UST: variants seen among roughly 807,000 people sequenced by gnomAD.
UST encodes the protein chondroitin sulfate 2-O-sulfotransferase.
In UST, 21 loss-of-function variants were observed where a neutral mutation model predicts 45.6. The observed-to-expected ratio is 0.46, with a 90% confidence interval of 0.33 to 0.66. UST has a LOEUF of 0.66. Among genes scored for constraint, UST ranks in the 30% least tolerant of loss-of-function variants. The pLI is 0.02. For missense variants in UST, 463 were observed against 512.4 expected (o/e 0.90, Z 0.93); for synonymous variants, 215 against 200.6 (o/e 1.07, Z -0.61).
chr6:148,847,021 T>C (rs760060769), intron 1 of UST, among the ~76,000 whole-genome samples: 1 of 152,276 alleles, frequency 6.6e-6, no homozygotes, highest in Admixed American at 6.5e-5. Flanking sequence ...TTCAGCAATA[T>C]GTCCATCTGA....
intron 1 of UST, among the ~76,000 whole-genome samples, chr6:148,830,510 A>G (rs767805690): frequency 1.1e-4 from 16 of 152,288 alleles, no homozygotes; most frequent in Non-Finnish European, 2.1e-4. Context: ...GGGTGCCACA[A>G]TGCACTGAAA....
intron 1 of UST, among the ~76,000 whole-genome samples, chr6:148,841,163 T>C (rs1777880904): frequency 6.6e-6 from 1 of 151,986 alleles, no homozygotes; most frequent in African/African-American, 2.4e-5. Context: ...GTATTTCTTA[T>C]AGCTTGTGAA....
At chr6:148,772,161 T>C (rs953004136) in intron 1 of UST, among the ~76,000 whole-genome samples, 1 of 152,182 alleles carries the variant, frequency 6.6e-6, no homozygotes, top group Non-Finnish European at 1.5e-5. Flanking sequence ...GTTTTATGTG[T>C]TTAGAAAGGA....
rs1354721409 is a variant in UST, at chr6:149,043,001, TTCTTTCTTTCTTTC to T, written c.937+21522_937+21535del. The stretch of plus-strand genomic sequence containing the variant: ...TTTCTTTCTTTCTTTCTTTCTTTCT[TTCTTTCTTTCTTTC>T]TTTCTTTTTCTTTCTTTCTTTCTTT... On this transcript the variant is annotated intron_variant, in intron 7 of 7. Coordinates refer to ENST00000367463, the MANE Select transcript of UST (RefSeq NM_005715.3). Among the ~76,000 whole-genome samples the T allele has an allele frequency of 1.6e-3, 185 of 118,164 alleles. No individual in the cohort carries two copies. In the Middle Eastern group the frequency reaches 0.025, roughly 16 times the overall value. 77.5% of individuals were successfully genotyped at this position (118,164 alleles called of 152,430 possible).
chr6:149,074,123 T>C lies in UST; in HGVS notation c.*7T>C. Reference sequence around the variant, plus strand: ...AGATATTTATAAGAGGTGATGTGACTGTGTTGCCTCTATGGCTTTATCTCC... The same window carrying C: ...AGATATTTATAAGAGGTGATGTGACCGTGTTGCCTCTATGGCTTTATCTCC... On this transcript the variant is annotated 3_prime_UTR_variant, in exon 8 of 8. Coordinates refer to ENST00000367463, the MANE Select transcript of UST (RefSeq NM_005715.3). 3.1e-6 allele frequency: 5 copies of C among 1,612,446 alleles called. No individual in the cohort carries two copies. Among genetic ancestry groups the C allele is most frequent in the Non-Finnish European group, 3.4e-6 (4 of 1,178,608 alleles).
chr6:148,990,372 T>G (rs1781324991), intron 5 of UST: 1 of 984,828 alleles, frequency 1.0e-6, no homozygotes, highest in Non-Finnish European at 1.2e-6. Flanking sequence ...TAAATCCAAA[T>G]AGTTAAGCAG....
At position 149,019,091 on chromosome 6, in the gene UST, G is replaced by A. The variant is rs766704456; in HGVS notation, c.682-48G>A. 5.8e-6 allele frequency: 8 copies of A among 1,370,340 alleles called. No individual in the cohort carries two copies. The South Asian group carries it at 7.0e-5, about 12-fold the overall frequency. The allele number at this position is 1,370,340 out of a possible 1,614,324, so 84.9% of individuals were successfully genotyped here. On this transcript the variant is annotated intron_variant, in intron 5 of 7. Coordinates refer to ENST00000367463, the MANE Select transcript of UST (RefSeq NM_005715.3). ...CTTAAACTGTGTGGCATTTGATAGA[G>A]CCTTGCAGAGACTACAAGACATCTG...
chr6:149,010,982 T>C (rs976334482), intron 5 of UST, among the ~76,000 whole-genome samples: 4 of 148,716 alleles, frequency 2.7e-5, no homozygotes, highest in Non-Finnish European at 4.5e-5. Context: ...ACTCTTGGAA[T>C]CCAAATGAAT....
intron 3 of UST, among the ~76,000 whole-genome samples, chr6:148,945,106 C>T (rs965583230): frequency 2.6e-5 from 4 of 152,170 alleles, no homozygotes; most frequent in Non-Finnish European, 4.4e-5. Flanking sequence ...CATAATTTTA[C>T]TATTTCTATT....
chr6:148,983,175 G>A (rs767995361), intron 5 of UST, among the ~76,000 whole-genome samples: 80 of 152,182 alleles, frequency 5.3e-4, no homozygotes, highest in Non-Finnish European at 9.3e-4. Flanking sequence ...TAAGTCAACC[G>A]TCTTCCAAGA....
At chr6:148,847,960 A>G (rs1778021473) in intron 1 of UST, among the ~76,000 whole-genome samples, 1 of 152,168 alleles carries the variant, frequency 6.6e-6, no homozygotes, top group South Asian at 2.1e-4. Flanking sequence ...GAAATTTGTC[A>G]TGGGTTAAAG....
chr6:148,775,234 A>T lies in UST; in HGVS notation c.247+27557A>T, dbSNP rs1285681807. Reference sequence around the variant, plus strand: ...TCTCTGCCAAGTTTTGCAGGGCTTGAATATTATGTGAATTTGACAGCTTCC... The same window carrying T: ...TCTCTGCCAAGTTTTGCAGGGCTTGTATATTATGTGAATTTGACAGCTTCC... On this transcript the variant is annotated intron_variant, in intron 1 of 7. Coordinates refer to ENST00000367463, the MANE Select transcript of UST (RefSeq NM_005715.3). Among the ~76,000 whole-genome samples, 6 of 152,022 alleles carry T rather than the reference A, an allele frequency of 3.9e-5. 1 individual carries two copies. Among genetic ancestry groups the T allele is most frequent in the Admixed American group, 3.3e-4 (5 of 15,268 alleles).
chr6:148,815,057 G>A (rs952843950), intron 1 of UST, among the ~76,000 whole-genome samples: 5 of 152,136 alleles, frequency 3.3e-5, no homozygotes, highest in South Asian at 2.1e-4. Context: ...TAAAAAAACC[G>A]TGGTATATCC....
At chr6:148,963,330 G>A (rs1780708123) in intron 4 of UST, among the ~76,000 whole-genome samples, 1 of 152,196 alleles carries the variant, frequency 6.6e-6, no homozygotes, top group Non-Finnish European at 1.5e-5. Flanking sequence ...AGAGAACCCT[G>A]CAGGCCCCTC....
At chr6:148,792,714 G>C (rs1019375212) in intron 1 of UST, among the ~76,000 whole-genome samples, 1 of 152,106 alleles carries the variant, frequency 6.6e-6, no homozygotes, top group African/African-American at 2.4e-5. Context: ...CTATATGTGG[G>C]GAGAGACAAA....
chr6:148,967,364 G>C (rs1359306459), intron 5 of UST, among the ~76,000 whole-genome samples: 1 of 151,994 alleles, frequency 6.6e-6, no homozygotes, highest in Admixed American at 6.6e-5. Flanking sequence ...GTGGTGGGGG[G>C]GAGGGGTGTC....
intron 1 of UST, among the ~76,000 whole-genome samples, chr6:148,788,428 G>A (rs762736169): frequency 2.6e-4 from 40 of 152,050 alleles, no homozygotes; most frequent in Admixed American, 2.5e-3. Context: ...ATTTAGATAT[G>A]AGTCACTTTG....
Position 149,060,896 on chromosome 6 carries a change from C to T in UST, c.938-12937C>T, listed in dbSNP as rs116707540. 3.2e-3 allele frequency among the ~76,000 whole-genome samples: 492 copies of T among 152,090 alleles called. 1 individual carries two copies. Among genetic ancestry groups the T allele is most frequent in the African/African-American group, 0.011 (447 of 41,516 alleles). On this transcript the variant is annotated intron_variant, in intron 7 of 7. Coordinates refer to ENST00000367463, the MANE Select transcript of UST (RefSeq NM_005715.3). ...TCTTTTGTCCATGCTTATTTTTTTT[C>T]GCTGGTAAACTTTGGCCCCTCTTTT... is the stretch of plus-strand genomic sequence containing the variant.
intron 7 of UST, among the ~76,000 whole-genome samples, chr6:149,040,438 C>T (rs1338877621): frequency 3.9e-5 from 6 of 152,054 alleles, no homozygotes; most frequent in African/African-American, 9.7e-5. Flanking sequence ...GGGCGGATCA[C>T]GAGGGCAGGA....
Sources: allele counts gnomAD v4.1 joint callset (sites outside exome capture counted in the v4.1 genomes callset), GRCh38; gene constraint gnomAD v4.1.1; transcripts MANE v1.5; gene names NCBI Gene and HGNC (gene_info 2026-07-23, HGNC 2026-07-21).